ACTG2: variants seen among roughly 807,000 people sequenced by gnomAD.
ACTG2 encodes the protein actin gamma 2, smooth muscle, also known as actin, gamma-enteric smooth muscle.
ACTG2 carries 16 observed loss-of-function variants against 37.6 expected under a neutral mutation model. That is an observed-to-expected ratio of 0.43 (90% CI 0.29 to 0.65). ACTG2 has a LOEUF of 0.65. ACTG2 is among the 30% of genes least tolerant of loss of function. The probability of loss-of-function intolerance (pLI) is 0.18; values close to 1 mark genes in which losing one functional copy is unlikely to be tolerated. For synonymous variants in ACTG2, 181 were observed against 179.9 expected, an observed-to-expected ratio of 1.01 and a Z score of -0.05; for missense variants, 238 against 490.9, an observed-to-expected ratio of 0.48 and a Z score of 4.87.
intron 1 of ACTG2, among the ~76,000 whole-genome samples, chr2:73,897,990 A>G (rs1371138914): frequency 1.3e-5 from 2 of 152,244 alleles, no homozygotes; most frequent in African/African-American, 2.4e-5. Flanking sequence ...CATTCAAACC[A>G]TAGCACCGCC....
Position 73,919,559 on chromosome 2 carries a change from A to G in ACTG2, c.1115A>G (p.His372Arg). 1 of 1,614,074 alleles carries G rather than the reference A, an allele frequency of 6.2e-7. No homozygotes were observed. Among genetic ancestry groups the G allele is most frequent in the Non-Finnish European group, 8.5e-7 (1 of 1,179,994 alleles). The change falls in exon 9 of 9, where the codon CAC becomes CGC. Residue 372 changes from histidine (H) to arginine (R), a missense_variant. Coordinates refer to ENST00000345517, the MANE Select transcript of ACTG2 (RefSeq NM_001615.4). ...EYDEAGPSIV[H>R]RKCF Reference sequence around the variant, plus strand: ...GATGAGGCAGGGCCCTCCATTGTCCACAGGAAGTGCTTCTAAAGTCAGAAC... The same window carrying G: ...GATGAGGCAGGGCCCTCCATTGTCCGCAGGAAGTGCTTCTAAAGTCAGAAC...
At chr2:73,894,821 T>G (rs1406788957) in intron 1 of ACTG2, among the ~76,000 whole-genome samples, 4 of 151,952 alleles carry the variant, frequency 2.6e-5, no homozygotes, top group African/African-American at 4.8e-5. Context: ...AGGAATCAGG[T>G]AAAACTAAAT....
chr2:73,901,754 T>TG (rs1679889774), intron 2 of ACTG2: 1 of 347,810 alleles, frequency 2.9e-6, no homozygotes, highest in Non-Finnish European at 5.0e-6. Context: ...GGCTTACATT[T>TG]GGGGGGTTGC....
chr2:73,907,785 T>A (rs1297997318), intron 3 of ACTG2, among the ~76,000 whole-genome samples: 1 of 152,210 alleles, frequency 6.6e-6, no homozygotes, highest in Non-Finnish European at 1.5e-5. Context: ...ACTGGAAAAC[T>A]GCTGCTAGCA....
At chr2:73,907,808 A>T (rs1362590178) in intron 3 of ACTG2, among the ~76,000 whole-genome samples, 1 of 152,322 alleles carries the variant, frequency 6.6e-6, no homozygotes, top group East Asian at 1.9e-4. Flanking sequence ...CAGTGGGTGG[A>T]GACCAGGGAT....
At chr2:73,894,672 A>G (rs1179505933) in intron 1 of ACTG2, among the ~76,000 whole-genome samples, 1 of 152,182 alleles carries the variant, frequency 6.6e-6, no homozygotes, top group Non-Finnish European at 1.5e-5. Context: ...CCCAGGAGTT[A>G]TCAGGGAAGA....
chr2:73,903,482 T>G (rs1246274184), intron 3 of ACTG2, among the ~76,000 whole-genome samples: 2 of 152,198 alleles, frequency 1.3e-5, no homozygotes, highest in Non-Finnish European at 2.9e-5. Context: ...ACCCTATAAG[T>G]CTTAGTTTTC....
At chr2:73,916,443 A>G in intron 7 of ACTG2, 141 bp from the exon 8 acceptor site, 3 of 700,988 alleles carry the variant, frequency 4.3e-6, no homozygotes, top group Non-Finnish European at 6.9e-6. Flanking sequence ...GGAAGGGGGT[A>G]TGATCTTATA....
chr2:73,895,547 C>A (rs1164325764), intron 1 of ACTG2, among the ~76,000 whole-genome samples: 3 of 152,194 alleles, frequency 2.0e-5, no homozygotes, highest in African/African-American at 7.2e-5. Context: ...GCTTACATGT[C>A]ACTTGAAGCT....
intron 4 of ACTG2, 107 bp from the exon 5 acceptor site, chr2:73,908,948 T>G: frequency 7.7e-7 from 1 of 1,299,958 alleles, no homozygotes; most frequent in African/African-American, 1.4e-5. Context: ...TAATGAACTA[T>G]CAAACTGGCA....
chr2:73,914,472 T>C (rs530187539), intron 6 of ACTG2, among the ~76,000 whole-genome samples: 15 of 151,474 alleles, frequency 9.9e-5, no homozygotes, highest in Admixed American at 7.9e-4. Context: ...GGCAGGAGAA[T>C]TGCTTGAACT....
intron 3 of ACTG2, among the ~76,000 whole-genome samples, chr2:73,903,952 AAAAAAAAC>A (rs1679948478): frequency 9.5e-6 from 1 of 105,076 alleles, no homozygotes; most frequent in African/African-American, 2.8e-5. Context: ...AAAAAAAAAA[AAAAAAAAC>A]AAAAAAAAAA....
chr2:73,908,108 G>C (rs954255804), intron 3 of ACTG2, among the ~76,000 whole-genome samples: 1 of 152,192 alleles, frequency 6.6e-6, no homozygotes, highest in Admixed American at 6.5e-5. Context: ...CCAAGAGCCA[G>C]CAACAGAGGG....
At chr2:73,905,795 A>T (rs187160932) in intron 3 of ACTG2, among the ~76,000 whole-genome samples, 52 of 152,288 alleles carry the variant, frequency 3.4e-4, no homozygotes, top group African/African-American at 1.2e-3. Context: ...CATCCTGAAT[A>T]CAAAAAATAA....
At position 73,919,649 on chromosome 2, in the gene ACTG2, C is replaced by A. The variant is rs2104827966; in HGVS notation, c.*74C>A. 2.6e-6 allele frequency: 4 copies of A among 1,524,430 alleles called. No individual in the cohort carries two copies. The highest frequency in any genetic ancestry group is 1.2e-5 in the South Asian group (1 of 80,796). The allele number at this position is 1,524,430 out of a possible 1,614,324, so 94.4% of individuals were successfully genotyped here. On this transcript the variant is annotated 3_prime_UTR_variant, in exon 9 of 9. Transcript: ENST00000345517. ...GTCATGAAACATTAAAACCTACAAG[C>A]CTTACTTCTCTGTGTGGGGCTCTTT...
chr2:73,908,509 C>A, intron 3 of ACTG2, 164 bp from the exon 4 acceptor site: 1 of 650,050 alleles, frequency 1.5e-6, no homozygotes, highest in Non-Finnish European at 2.7e-6. Context: ...AAGGAGTATA[C>A]CCTTTAAATG....
intron 3 of ACTG2, among the ~76,000 whole-genome samples, chr2:73,907,265 C>T (rs1485695949): frequency 1.3e-5 from 2 of 152,010 alleles, no homozygotes; most frequent in African/African-American, 4.8e-5. Flanking sequence ...TCATATCTGC[C>T]CTCATCACAC....
At chr2:73,909,481 T>A (rs957760257) in intron 5 of ACTG2, among the ~76,000 whole-genome samples, 1 of 152,200 alleles carries the variant, frequency 6.6e-6, no homozygotes, top group Non-Finnish European at 1.5e-5. Flanking sequence ...ACACATTGCT[T>A]AATGACAGGG....
Position 73,902,455 on chromosome 2 carries a change from C to T in ACTG2, c.222C>T (p.His74=), listed in dbSNP as rs149132468. ...TAACTCTCAAATACCCCATTGAACA[C>T]GGCATCATCACCAACTGGGATGACA... ...GILTLKYPIE[H]GIITNWDDME... is the part of the protein sequence containing the mutation. The change falls in exon 3 of 9, where the codon CAC becomes CAT. Residue 74 remains histidine (H), a synonymous_variant. Coordinates refer to ENST00000345517, the MANE Select transcript of ACTG2 (RefSeq NM_001615.4). The T allele has an allele frequency of 1.7e-5, 27 of 1,614,098 alleles. No homozygotes were observed. The highest frequency in any genetic ancestry group is 9.3e-5 in the African/African-American group (7 of 75,022).
Sources: gnomAD v4.1 joint callset for allele counts (sites outside exome capture counted in the v4.1 genomes callset) on GRCh38, gnomAD v4.1.1 for gene constraint, MANE v1.5 for transcripts, NCBI Gene and HGNC (gene_info 2026-07-23, HGNC 2026-07-21) for gene names.